Variants in LARGE1 observed in about 807,000 individuals in gnomAD.
The protein encoded by LARGE1 is xylosyl- and glucuronyltransferase LARGE1.
A neutral mutation model predicts 87.6 loss-of-function variants in LARGE1; 43 were observed. The ratio of observed to expected loss-of-function variants is 0.49; its 90% CI spans 0.38 to 0.63. LARGE1 has a LOEUF of 0.63. Among genes scored for constraint, LARGE1 ranks in the 30% least tolerant of loss-of-function variants. The pLI is 0.00. For synonymous variants in LARGE1, 434 were observed against 394.6 expected (o/e 1.10, Z -1.18); for missense variants, 802 against 1,000.2 (o/e 0.80, Z 2.67).
At chr22:33,561,822 G>A (rs2077871554) in intron 6 of LARGE1, among the ~76,000 whole-genome samples, 1 of 152,208 alleles carries the variant, frequency 6.6e-6, no homozygotes. Flanking sequence ...GGAAGATGGG[G>A]ACATCTCTAA....
the LARGE1 span, among the ~76,000 whole-genome samples, chr22:33,112,741 G>A: frequency 2.0e-5 from 3 of 152,310 alleles, no homozygotes; most frequent in Middle Eastern, 3.4e-3. Context: ...TGGTGAACAG[G>A]TGGGGCAAGC....
At chr22:33,669,483 C>G (rs992916495) in intron 2 of LARGE1, among the ~76,000 whole-genome samples, 5 of 152,216 alleles carry the variant, frequency 3.3e-5, no homozygotes, top group African/African-American at 1.2e-4. Context: ...GTCCACAGAG[C>G]TCAGAAAAGC....
At chr22:33,350,155 C>T (rs1940225280) in intron 9 of LARGE1, among the ~76,000 whole-genome samples, 1 of 152,160 alleles carries the variant, frequency 6.6e-6, no homozygotes, top group South Asian at 2.1e-4. Context: ...GACAATTCAG[C>T]TGTATTTTCT....
intron 6 of LARGE1, among the ~76,000 whole-genome samples, chr22:33,475,814 ACAAT>A (rs1335219866): frequency 1.3e-5 from 2 of 152,144 alleles, no homozygotes; most frequent in African/African-American, 2.4e-5. Flanking sequence ...AGCATACTGT[ACAAT>A]CAGCCATTCT....
intron 9 of LARGE1, among the ~76,000 whole-genome samples, chr22:33,373,098 C>A (rs886878596): frequency 6.6e-6 from 1 of 151,948 alleles, no homozygotes; most frequent in African/African-American, 2.4e-5. Flanking sequence ...GAGTAAGTCA[C>A]GATAAAGTTT....
intron 2 of LARGE1, chr22:33,746,403 A>G (rs2084085489): frequency 6.6e-6 from 1 of 152,188 alleles, no homozygotes. Flanking sequence ...TTGAGCATCT[A>G]CTCTATTTCA....
intron 11 of LARGE1, among the ~76,000 whole-genome samples, chr22:33,234,694 A>G (rs1926168515): frequency 6.6e-6 from 1 of 152,060 alleles, no homozygotes; most frequent in East Asian, 1.9e-4. Context: ...GGCATGAGCC[A>G]CCATGCCCAG....
rs368793951 is a variant in LARGE1, at chr22:33,833,395, T to C, written c.-82-71837A>G. ...ATGGGAATGTATGAGTGGGCCCTAATCCAGAATGACCAGTGTCCTTATAAG... is the reference window on the plus strand; with the variant it reads ...ATGGGAATGTATGAGTGGGCCCTAACCCAGAATGACCAGTGTCCTTATAAG... On this transcript the variant is annotated intron_variant, in intron 1 of 14. Transcript: ENST00000397394. Among the ~76,000 whole-genome samples, 30 of 152,180 alleles carry C rather than the reference T, an allele frequency of 2.0e-4. No individual in the cohort carries two copies. In the East Asian group the frequency reaches 4.8e-3, roughly 25 times the overall value.
chr22:33,089,365 T>C, the LARGE1 span, among the ~76,000 whole-genome samples: 10,894 of 59,796 alleles, frequency 0.18, 673 homozygotes, highest in Middle Eastern at 0.23. Context: ...TTCTTCTTCT[T>C]CTTCTCCTTC....
At chr22:33,619,828 C>T (rs1034693222) in intron 4 of LARGE1, among the ~76,000 whole-genome samples, 3 of 152,154 alleles carry the variant, frequency 2.0e-5, no homozygotes, top group Non-Finnish European at 4.4e-5. Context: ...GACCCTGATA[C>T]AGAGCAAGAG....
chr22:33,488,828 T>C (rs1224559463), intron 6 of LARGE1, among the ~76,000 whole-genome samples: 17 of 152,174 alleles, frequency 1.1e-4, no homozygotes, highest in Admixed American at 1.1e-3. Context: ...AGACATAACC[T>C]ACCTCTCTAA....
intron 12 of LARGE1, among the ~76,000 whole-genome samples, chr22:33,297,979 C>CAAAAAAAA (rs757656914): frequency 2.0e-5 from 1 of 48,796 alleles, no homozygotes; most frequent in African/African-American, 6.3e-5. Flanking sequence ...GACATCATCT[C>CAAAAAAAA]AAAAAAAAAA....
At chr22:33,446,457 T>C (rs1271477539) in intron 6 of LARGE1, among the ~76,000 whole-genome samples, 1 of 152,188 alleles carries the variant, frequency 6.6e-6, no homozygotes, top group African/African-American at 2.4e-5. Flanking sequence ...TTTTGTGGGA[T>C]GGAGCTCTTA....
At chr22:33,095,690 T>C in the LARGE1 span, among the ~76,000 whole-genome samples, 6 of 152,168 alleles carry the variant, frequency 3.9e-5, no homozygotes, top group Non-Finnish European at 7.4e-5. Flanking sequence ...GAATAAGTTA[T>C]CCCAATATAC....
At chr22:33,784,337 T>C (rs777789587) in intron 1 of LARGE1, among the ~76,000 whole-genome samples, 125 of 152,098 alleles carry the variant, frequency 8.2e-4, no homozygotes, top group Non-Finnish European at 1.4e-3. Flanking sequence ...CCCCAATGTA[T>C]AGAAGAGGAA....
rs545133990 is a variant in LARGE1 at position 33,478,888 on chromosome 22, G to A, written c.788-46623C>T. 9.8e-5 allele frequency among the ~76,000 whole-genome samples: 15 copies of A among 152,302 alleles called. 1 individual carries two copies. Among genetic ancestry groups the A allele is most frequent in the Admixed American group, 9.8e-4 (15 of 15,308 alleles). On this transcript the variant is annotated intron_variant, in intron 6 of 14. Transcript: ENST00000397394. ...TCTTCTCCAGTGGACAGATTTCCTA[G>A]AACATGGATGTTGGGTACCGGGGGA... is the stretch of plus-strand genomic sequence containing the variant.
chr22:33,554,529 C>T (rs983439362), intron 6 of LARGE1, among the ~76,000 whole-genome samples: 3 of 152,114 alleles, frequency 2.0e-5, no homozygotes, highest in Admixed American at 6.6e-5. Flanking sequence ...CCGAACTCGC[C>T]GTCCAGTGCT....
At chr22:33,478,850 G>C (rs547142171) in intron 6 of LARGE1, among the ~76,000 whole-genome samples, 1 of 152,274 alleles carries the variant, frequency 6.6e-6, no homozygotes, top group South Asian at 2.1e-4. Context: ...ATGTGAGAGG[G>C]CATCGCTAAC....
chr22:33,699,998 G>T (rs1489615875), intron 2 of LARGE1, among the ~76,000 whole-genome samples: 1 of 152,192 alleles, frequency 6.6e-6, no homozygotes, highest in African/African-American at 2.4e-5. Context: ...AGGTTCCGAT[G>T]CAACCACTGA....
Sources: gnomAD v4.1 joint callset for allele counts (sites outside exome capture counted in the v4.1 genomes callset) on GRCh38, gnomAD v4.1.1 for gene constraint, MANE v1.5 for transcripts, NCBI Gene and HGNC (gene_info 2026-07-23, HGNC 2026-07-21) for gene names.